The following LIMA1 variants were observed in gnomAD, a reference collection of about 807,000 sequenced individuals.
LIMA1 encodes LIM domain and actin binding 1.
A neutral mutation model predicts 62.6 loss-of-function variants in LIMA1; 52 were observed. That is an observed-to-expected ratio of 0.83 (90% CI 0.67 to 1.05). LIMA1 has a LOEUF of 1.05. Ranked by LOEUF, LIMA1 falls within the 50% of genes least tolerant of loss-of-function variation. The probability of loss-of-function intolerance (pLI) is 0.00; values close to 1 mark genes in which losing one functional copy is unlikely to be tolerated. For synonymous variants in LIMA1, 302 were observed against 317.8 expected (o/e 0.95, Z 0.53); for missense variants, 780 against 902.2 (o/e 0.86, Z 1.74).
rs1395120395 is a variant in LIMA1 at position 50,222,671 on chromosome 12, G to C, written c.166-186C>G. On this transcript the variant is annotated intron_variant, in intron 3 of 10. Transcript: ENST00000341247. ...CCACCCGGCAGAGGGAGAGGGAGAG[G>C]GGAAGAGAGAAAAACTCAGGAGCTG... The C allele has an allele frequency of 4.0e-6, 6 of 1,507,318 alleles. No individual in the cohort carries two copies. In the South Asian group the frequency reaches 6.2e-5, roughly 16 times the overall value. 93.4% of individuals were successfully genotyped at this position (1,507,318 alleles called of 1,614,324 possible).
intron 4 of LIMA1, among the ~76,000 whole-genome samples, chr12:50,212,642 A>C (rs942681499): frequency 1.3e-5 from 2 of 152,146 alleles, no homozygotes; most frequent in African/African-American, 4.8e-5. Context: ...CATATCTATT[A>C]ATTTAAGTAG....
intron 4 of LIMA1, among the ~76,000 whole-genome samples, chr12:50,221,415 T>G (rs1355055475): frequency 6.6e-6 from 1 of 152,212 alleles, no homozygotes; most frequent in Non-Finnish European, 1.5e-5. Flanking sequence ...GGATCAAATT[T>G]CATTAGCAGT....
intron 1 of LIMA1, among the ~76,000 whole-genome samples, chr12:50,279,708 C>A (rs1384645742): frequency 6.6e-6 from 1 of 152,078 alleles, no homozygotes; most frequent in Non-Finnish European, 1.5e-5. Flanking sequence ...TCAGTTATTG[C>A]CAAGGGGTAA....
At chr12:50,242,455 A>C (rs918469768) in intron 2 of LIMA1, among the ~76,000 whole-genome samples, 2 of 151,990 alleles carry the variant, frequency 1.3e-5, no homozygotes, top group Non-Finnish European at 2.9e-5. Flanking sequence ...TTCTGGACTC[A>C]AGTGATCCTC....
chr12:50,178,938 C>G (rs372638211), intron 10 of LIMA1, among the ~76,000 whole-genome samples: 1 of 149,886 alleles, frequency 6.7e-6, no homozygotes, highest in East Asian at 2.0e-4. Context: ...CTATTCTTAA[C>G]GGTATATAAA....
chr12:50,243,147 T>C (rs1411546114), intron 2 of LIMA1, among the ~76,000 whole-genome samples: 1 of 152,188 alleles, frequency 6.6e-6, no homozygotes, highest in Non-Finnish European at 1.5e-5. Flanking sequence ...CCTGCAGCTA[T>C]AAAGGACCAT....
chr12:50,200,508 A>G (rs927602210), intron 7 of LIMA1, among the ~76,000 whole-genome samples: 5 of 152,190 alleles, frequency 3.3e-5, no homozygotes, highest in African/African-American at 1.2e-4. Context: ...GCCTCCAAAT[A>G]GATTTTAAAA....
chr12:50,189,565 C>T (rs1940705883), intron 9 of LIMA1: 1 of 152,044 alleles, frequency 6.6e-6, no homozygotes, highest in African/African-American at 2.4e-5. Flanking sequence ...GTGAAGTAGC[C>T]CCTCATTAGC....
intron 1 of LIMA1, among the ~76,000 whole-genome samples, chr12:50,270,769 T>C (rs760386558): frequency 3.3e-5 from 5 of 152,152 alleles, no homozygotes; most frequent in African/African-American, 9.7e-5. Context: ...TCTTCACATA[T>C]CTTATTTAGA....
At chr12:50,264,930 A>C (rs1460058733) in intron 1 of LIMA1, among the ~76,000 whole-genome samples, 1 of 152,084 alleles carries the variant, frequency 6.6e-6, no homozygotes, top group Non-Finnish European at 1.5e-5. Flanking sequence ...AGGTGGGAGG[A>C]TCACTTGAGT....
At chr12:50,214,558 C>T (rs533678759) in intron 4 of LIMA1, among the ~76,000 whole-genome samples, 1 of 152,368 alleles carries the variant, frequency 6.6e-6, no homozygotes, top group African/African-American at 2.4e-5. Context: ...CCTATAATCC[C>T]AGCATTTTGG....
At chr12:50,261,256 G>A (rs1407126765) in intron 1 of LIMA1, among the ~76,000 whole-genome samples, 1 of 151,314 alleles carries the variant, frequency 6.6e-6, no homozygotes, top group Non-Finnish European at 1.5e-5. Context: ...GTTTCACCGT[G>A]TTAGCCAGGA....
chr12:50,280,725 T>C (rs2138720762), intron 1 of LIMA1, among the ~76,000 whole-genome samples: 1 of 152,326 alleles, frequency 6.6e-6, no homozygotes, highest in Admixed American at 6.5e-5. Flanking sequence ...AGTATGGTCC[T>C]ACCTTATCAT....
intron 2 of LIMA1, among the ~76,000 whole-genome samples, chr12:50,240,170 C>A (rs552058465): frequency 6.6e-6 from 1 of 151,892 alleles, no homozygotes; most frequent in East Asian, 1.9e-4. Context: ...GGAAAGCATA[C>A]CAGGAACAGA....
chr12:50,265,659 G>T (rs1038903693), intron 1 of LIMA1, among the ~76,000 whole-genome samples: 15 of 151,960 alleles, frequency 9.9e-5, no homozygotes, highest in African/African-American at 3.4e-4. Flanking sequence ...TTTGTTTTGA[G>T]CACTTTGACC....
chr12:50,265,272 G>A (rs1332326656), intron 1 of LIMA1, among the ~76,000 whole-genome samples: 1 of 152,054 alleles, frequency 6.6e-6, no homozygotes, highest in African/African-American at 2.4e-5. Flanking sequence ...TGTAATCCCA[G>A]CACTTTGGGA....
Position 50,177,664 on chromosome 12 carries a change from G to A in LIMA1, c.1680C>T (p.Asp560=), listed in dbSNP as rs529893508. ...CAGGAACTTCGGGCTTGCTGATTTC[G>A]TCTTCAGGAGGCCATTTGGGCTTTG... ...KMSKPKWPPE[D]EISKPEVPED... Residue 560 remains aspartate, a synonymous_variant, in exon 11 of 11, where the codon GAC becomes GAT. Coordinates refer to ENST00000341247, the MANE Select transcript of LIMA1 (RefSeq NM_016357.5). 32 of 1,607,692 alleles carry A rather than the reference G, an allele frequency of 2.0e-5. No individual in the cohort carries two copies. The highest frequency in any genetic ancestry group is 1.7e-4 in the South Asian group (15 of 90,146).
At chr12:50,219,680 T>C (rs971090978) in intron 4 of LIMA1, 2 of 152,228 alleles carry the variant, frequency 1.3e-5, no homozygotes, top group African/African-American at 4.8e-5. Context: ...GTGAATCTTA[T>C]GTCTCTTCCA....
At chr12:50,236,734 C>CCACACA (rs145408139) in intron 2 of LIMA1, among the ~76,000 whole-genome samples, 9 of 149,406 alleles carry the variant, frequency 6.0e-5, no homozygotes, top group Non-Finnish European at 8.9e-5. Flanking sequence ...CTCCTTAAAA[C>CCACACA]CACACACACA....
Sources: allele counts gnomAD v4.1 joint callset (sites outside exome capture counted in the v4.1 genomes callset), GRCh38; gene constraint gnomAD v4.1.1; transcripts MANE v1.5; gene names NCBI Gene and HGNC (gene_info 2026-07-23, HGNC 2026-07-21).